IQCK: variants seen among roughly 807,000 people sequenced by gnomAD.
IQCK encodes the protein IQ motif containing K.
Under a neutral mutation model 28.1 loss-of-function variants are expected in IQCK, and 29 were observed. The observed-to-expected ratio is 1.03, with a 90% CI of 0.77 to 1.41. The LOEUF (loss-of-function observed/expected upper bound fraction) is 1.41. IQCK is among the 40% of genes most tolerant of loss of function. IQCK has a pLI of 0.00. For synonymous variants in IQCK, 113 were observed against 115.1 expected (o/e 0.98, Z 0.12); for missense variants, 359 against 314.7 (o/e 1.14, Z -1.07).
chr16:19,728,042 G>A (rs1977715274), intron 1 of IQCK, among the ~76,000 whole-genome samples: 2 of 151,886 alleles, frequency 1.3e-5, no homozygotes, highest in African/African-American at 4.8e-5. Context: ...GGAGATTATT[G>A]TAGGTGGGCC....
At chr16:19,833,944 C>T (rs2056264080) in intron 9 of IQCK, among the ~76,000 whole-genome samples, 1 of 151,986 alleles carries the variant, frequency 6.6e-6, no homozygotes, top group Non-Finnish European at 1.5e-5. Context: ...TAAAATTAGC[C>T]AGGCGTGCTA....
At chr16:19,823,946 AT>A in intron 7 of IQCK, among the ~76,000 whole-genome samples, 1 of 151,888 alleles carries the variant, frequency 6.6e-6, no homozygotes, top group African/African-American at 2.4e-5. Context: ...AAATAAATAA[AT>A]AAATAAATAA....
intron 7 of IQCK, among the ~76,000 whole-genome samples, chr16:19,803,673 G>A (rs959111325): frequency 2.0e-5 from 3 of 152,072 alleles, no homozygotes; most frequent in Non-Finnish European, 2.9e-5. Context: ...TATTTTCAGA[G>A]ACAAGGTCTT....
chr16:19,826,853 A>G (rs536559511), intron 7 of IQCK, among the ~76,000 whole-genome samples, 173 bp from the exon 8 acceptor site: 5 of 152,356 alleles, frequency 3.3e-5, no homozygotes, highest in African/African-American at 4.8e-5. Flanking sequence ...AACCTCATTT[A>G]TGCTCAAATA....
chr16:19,730,752 T>C (rs918069375), intron 2 of IQCK, among the ~76,000 whole-genome samples: 1 of 123,014 alleles, frequency 8.1e-6, no homozygotes, highest in African/African-American at 5.7e-5. Context: ...TGTCTATCTA[T>C]CTATCTTATC....
intron 6 of IQCK, among the ~76,000 whole-genome samples, chr16:19,771,033 C>T (rs993222781): frequency 1.3e-5 from 2 of 152,180 alleles, no homozygotes; most frequent in African/African-American, 4.8e-5. Context: ...TTGACTTAAT[C>T]GCATCTGCAA....
rs867914613 is a variant in IQCK, at chr16:19,825,852, G to T, written c.691-1174G>T. On this transcript the variant is annotated intron_variant, in intron 7 of 7. Coordinates refer to ENST00000564186, the Ensembl canonical transcript of IQCK. The surrounding 1 kb of genome is among the most constrained non-coding windows in gnomAD (Gnocchi z 4.2). ...GCAGTCAGTGTTAAATAGAACTGTG[G>T]TTAATGCATTAACTGTGGTGAACCT... Among the ~76,000 whole-genome samples, 3 of 152,152 alleles carry T rather than the reference G, an allele frequency of 2.0e-5. No homozygotes were observed. Among genetic ancestry groups the T allele is most frequent in the African/African-American group, 7.2e-5 (3 of 41,428 alleles).
At chr16:19,831,747 G>A (rs1479681561), downstream of IQCK, among the ~76,000 whole-genome samples, 4 of 151,918 alleles carry the variant, frequency 2.6e-5, no homozygotes, top group Admixed American at 1.3e-4. Flanking sequence ...TTGTGCTCCG[G>A]CATTTACAGT....
downstream of IQCK, among the ~76,000 whole-genome samples, chr16:19,831,227 A>G (rs2056229273): frequency 6.6e-6 from 1 of 152,154 alleles, no homozygotes; most frequent in South Asian, 2.1e-4. Context: ...CTGCTCTCAG[A>G]CCCAGCTTCT....
chr16:19,723,531 G>T (rs543132672), intron 1 of IQCK, among the ~76,000 whole-genome samples: 1 of 152,148 alleles, frequency 6.6e-6, no homozygotes, highest in South Asian at 2.1e-4. Context: ...CCCAAAGTAA[G>T]CGGCAGGGTC....
chr16:19,781,306 C>T (rs2055480539), intron 6 of IQCK, among the ~76,000 whole-genome samples: 1 of 152,106 alleles, frequency 6.6e-6, no homozygotes, highest in Admixed American at 6.6e-5. Context: ...TGTGGTCTTG[C>T]ACTTCGCTGC....
At chr16:19,746,247 T>C (rs1349523921) in intron 4 of IQCK, among the ~76,000 whole-genome samples, 1 of 151,730 alleles carries the variant, frequency 6.6e-6, no homozygotes, top group Non-Finnish European at 1.5e-5. Context: ...ATTTATTGGG[T>C]GCATGAGATG....
exon 1 of IQCK, chr16:19,718,448 G>A (rs138651763): frequency 3.7e-6 from 6 of 1,606,940 alleles, no homozygotes; most frequent in East Asian, 2.2e-5. Context: ...GCAGGTCACC[G>A]AGCCGTCAAG....
chr16:19,843,579 C>G (rs2056384391), intron 9 of IQCK, among the ~76,000 whole-genome samples: 1 of 152,216 alleles, frequency 6.6e-6, no homozygotes, highest in Admixed American at 6.5e-5. Context: ...TTAGTCAGCT[C>G]AGGCTGCCAT....
At chr16:19,841,479 G>A (rs1172277525) in intron 9 of IQCK, among the ~76,000 whole-genome samples, 1 of 152,138 alleles carries the variant, frequency 6.6e-6, no homozygotes, top group African/African-American at 2.4e-5. Context: ...ACCTGCATTG[G>A]AACCCTGGCT....
intron 9 of IQCK, among the ~76,000 whole-genome samples, chr16:19,845,200 C>A (rs1269640534): frequency 6.6e-6 from 1 of 152,190 alleles, no homozygotes. Flanking sequence ...GTCTCGCAAT[C>A]CCTAAGTACA....
chr16:19,811,827 A>T (rs1312383832), intron 7 of IQCK, among the ~76,000 whole-genome samples: 1 of 152,180 alleles, frequency 6.6e-6, no homozygotes, highest in African/African-American at 2.4e-5. Flanking sequence ...TTTTCAGATC[A>T]TTAGAATCAC....
intron 4 of IQCK, among the ~76,000 whole-genome samples, chr16:19,760,931 C>T (rs2151706956): frequency 6.6e-6 from 1 of 152,266 alleles, no homozygotes; most frequent in East Asian, 1.9e-4. Context: ...TCTAGGGTAA[C>T]TTTCTGATGT....
At chr16:19,821,195 T>G (rs971066081) in intron 7 of IQCK, among the ~76,000 whole-genome samples, 6 of 151,986 alleles carry the variant, frequency 3.9e-5, no homozygotes, top group Admixed American at 3.9e-4. Flanking sequence ...AAAAATTAAA[T>G]TAAATTAAAA....
Sources: allele counts gnomAD v4.1 joint callset (sites outside exome capture counted in the v4.1 genomes callset), GRCh38; gene constraint gnomAD v4.1.1; non-coding constraint Gnocchi (gnomAD v3.1); transcripts MANE v1.5; gene names NCBI Gene and HGNC (gene_info 2026-07-23, HGNC 2026-07-21).